The following IGSF11 variants were observed in gnomAD, a reference collection of about 807,000 sequenced individuals.
The protein encoded by IGSF11 is immunoglobulin superfamily member 11.
A neutral mutation model predicts 41.0 loss-of-function variants in IGSF11; 22 were observed. That is an observed-to-expected ratio of 0.54 (90% CI 0.38 to 0.77). The LOEUF is 0.77. Ranked by LOEUF, IGSF11 falls within the 30% of genes least tolerant of loss-of-function variation. The pLI is 0.00. For missense variants in IGSF11, 444 were observed against 530.8 expected, an observed-to-expected ratio of 0.84 and a Z score of 1.61; for synonymous variants, 219 against 201.3, an observed-to-expected ratio of 1.09 and a Z score of -0.74.
At chr3:119,096,328 T>C (rs1014476563) in intron 1 of IGSF11, among the ~76,000 whole-genome samples, 2 of 151,868 alleles carry the variant, frequency 1.3e-5, no homozygotes, top group Non-Finnish European at 2.9e-5. Context: ...AATATATATA[T>C]ACACACACAC....
At chr3:119,079,926 T>A (rs2076561704) in intron 1 of IGSF11, among the ~76,000 whole-genome samples, 1 of 152,110 alleles carries the variant, frequency 6.6e-6, no homozygotes, top group Non-Finnish European at 1.5e-5. Context: ...AGACTACCTA[T>A]CGGGTACTAC....
intron 1 of IGSF11, among the ~76,000 whole-genome samples, chr3:119,015,190 A>G (rs1938554967): frequency 6.6e-6 from 1 of 152,256 alleles, no homozygotes; most frequent in Admixed American, 6.5e-5. Context: ...GGGTCCACAC[A>G]TCTTTCCTAA....
intron 1 of IGSF11, among the ~76,000 whole-genome samples, chr3:119,029,173 T>TACACACACACACACACAC (rs66598029): frequency 0.012 from 1,368 of 111,518 alleles, 50 homozygotes; most frequent in African/African-American, 0.038. Flanking sequence ...TTGGGGATAA[T>TACACACACACACACACAC]ACACACACAC....
intron 1 of IGSF11, among the ~76,000 whole-genome samples, chr3:119,055,094 C>G (rs1941774672): frequency 6.6e-6 from 1 of 152,152 alleles, no homozygotes. Context: ...CCAGCAAAAT[C>G]CAACAGACCT....
chr3:119,107,718 T>C (rs1231345380), upstream of IGSF11, among the ~76,000 whole-genome samples: 2 of 152,222 alleles, frequency 1.3e-5, no homozygotes, highest in African/African-American at 2.4e-5. Context: ...TTTATGGTTT[T>C]AGGTCTAACA....
chr3:119,026,751 T>A (rs1185803665), intron 1 of IGSF11, among the ~76,000 whole-genome samples: 1 of 152,242 alleles, frequency 6.6e-6, no homozygotes, highest in Non-Finnish European at 1.5e-5. Flanking sequence ...AAAATGGTCA[T>A]CCCAAAGTAA....
chr3:119,012,060 C>T (rs1938194532), intron 1 of IGSF11, among the ~76,000 whole-genome samples: 1 of 151,856 alleles, frequency 6.6e-6, no homozygotes. Context: ...AGTGCGAGAG[C>T]ACTAGAAAGA....
rs1030344575 is a variant in IGSF11 at position 119,061,383 on chromosome 3, TTC to T, written c.49+43759_49+43760del. Among the ~76,000 whole-genome samples the T allele has an allele frequency of 3.9e-5, 6 of 152,280 alleles. 1 individual carries two copies. Among genetic ancestry groups the T allele is most frequent in the East Asian group, 3.9e-4 (2 of 5,184 alleles). On this transcript the variant is annotated intron_variant, in intron 1 of 6. Coordinates refer to the IGSF11 transcript ENST00000354673. The stretch of plus-strand genomic sequence containing the variant: ...TACCTCTCTCTTTCTGCTCCAGAGA[TTC>T]TCTGACACCAGCAGGAATCCGGTGC...
At chr3:119,074,846 CG>C (rs1480418087) in intron 1 of IGSF11, among the ~76,000 whole-genome samples, 2 of 151,478 alleles carry the variant, frequency 1.3e-5, no homozygotes, top group Non-Finnish European at 2.9e-5. Flanking sequence ...AGCGAGACTC[CG>C]TCTCAAAAAA....
At chr3:118,946,300 C>T (rs935714519) in intron 1 of IGSF11, among the ~76,000 whole-genome samples, 1 of 151,704 alleles carries the variant, frequency 6.6e-6, no homozygotes, top group African/African-American at 2.4e-5. Context: ...CAACTTCCCC[C>T]CGAAATTTCA....
rs748920245 is a variant in IGSF11 at position 118,926,096 on chromosome 3, C to T, written c.580+5G>A. 4 of 1,597,530 alleles carry T rather than the reference C, an allele frequency of 2.5e-6. No individual in the cohort carries two copies. Among genetic ancestry groups the T allele is most frequent in the Non-Finnish European group, 3.4e-6 (4 of 1,169,784 alleles). On this transcript the variant is annotated splice_donor_5th_base_variant and intron_variant, in intron 4 of 6. Transcript: ENST00000393775. ...ATAAAATGGGTAAAGCAGCACTGTA[C>T]ATACCCTGAGTAGCTGTTGGAGGTA...
At position 119,034,782 on chromosome 3, in the gene IGSF11, C is replaced by T; in HGVS notation, c.-200G>A. ...CTGCAGCGCCGCCCGGCTCCGCGGA[C>T]GCTGAGCTGTGACCAGAGGCGTTCC... On this transcript the variant is annotated 5_prime_UTR_variant, in exon 1 of 7. Coordinates refer to ENST00000393775, the MANE Select transcript of IGSF11 (RefSeq NM_001015887.3). 3 of 1,304,850 alleles carry T rather than the reference C, an allele frequency of 2.3e-6. No homozygotes were observed. Among genetic ancestry groups the T allele is most frequent in the East Asian group, 3.1e-5 (1 of 32,278 alleles). 80.8% of individuals were successfully genotyped at this position (1,304,850 alleles called of 1,614,324 possible).
chr3:119,065,528 C>T (rs758361442), intron 1 of IGSF11, among the ~76,000 whole-genome samples: 2 of 152,186 alleles, frequency 1.3e-5, no homozygotes, highest in South Asian at 4.2e-4. Flanking sequence ...GGCAGTGGCA[C>T]ACGCCTGTAA....
At chr3:119,038,057 C>A (rs868618206), upstream of IGSF11, among the ~76,000 whole-genome samples, 4 of 152,086 alleles carry the variant, frequency 2.6e-5, no homozygotes, top group Admixed American at 1.3e-4. Context: ...TGCTTAGAGC[C>A]AGCATATAGT....
chr3:119,019,087 T>C (rs1283706646), intron 1 of IGSF11, among the ~76,000 whole-genome samples: 1 of 152,082 alleles, frequency 6.6e-6, no homozygotes, highest in Non-Finnish European at 1.5e-5. Context: ...TTTATTGAGA[T>C]TCAATAAACC....
chr3:119,098,647 C>G (rs957974168), intron 1 of IGSF11, among the ~76,000 whole-genome samples: 1 of 152,116 alleles, frequency 6.6e-6, no homozygotes, highest in African/African-American at 2.4e-5. Flanking sequence ...AACTTAAAAG[C>G]CTTTACTACG....
chr3:118,902,212 C>G lies in IGSF11; in HGVS notation c.*308G>C, dbSNP rs939224175. 2 of 250,126 alleles carry G rather than the reference C, an allele frequency of 8.0e-6. No homozygotes were observed. Among genetic ancestry groups the G allele is most frequent in the Non-Finnish European group, 1.5e-5 (2 of 130,158 alleles). 15.5% of individuals were successfully genotyped at this position (250,126 alleles called of 1,614,324 possible). Reference sequence around the variant, plus strand: ...TATTAAGTTAGGCATGAAGAACAAGCCCATCTGGGCGGCAGTTTGGATTTT... The same window carrying G: ...TATTAAGTTAGGCATGAAGAACAAGGCCATCTGGGCGGCAGTTTGGATTTT... On this transcript the variant is annotated 3_prime_UTR_variant, in exon 7 of 7. Transcript: ENST00000393775.
chr3:119,112,052 C>A (rs2077173060), intron 1 of IGSF11, among the ~76,000 whole-genome samples: 1 of 152,300 alleles, frequency 6.6e-6, no homozygotes, highest in South Asian at 2.1e-4. Flanking sequence ...GTCTGGGACC[C>A]ACTTGAGGAG....
At chr3:118,915,171 A>T in intron 4 of IGSF11, among the ~76,000 whole-genome samples, 1 of 134,454 alleles carries the variant, frequency 7.4e-6, no homozygotes, top group East Asian at 2.1e-4. Context: ...CAGAACAGAA[A>T]AACTGGAAAC....
Sources: gnomAD v4.1 joint callset for allele counts (sites outside exome capture counted in the v4.1 genomes callset) on GRCh38, gnomAD v4.1.1 for gene constraint, MANE v1.5 for transcripts, NCBI Gene and HGNC (gene_info 2026-07-23, HGNC 2026-07-21) for gene names.